LDLRAD4: variants seen among roughly 807,000 people sequenced by gnomAD.
LDLRAD4 encodes the protein low-density lipoprotein receptor class A domain-containing protein 4.
In LDLRAD4, 5 loss-of-function variants were observed where a neutral mutation model predicts 17.0. The observed-to-expected ratio is 0.29, with a 90% CI of 0.15 to 0.62. The LOEUF is 0.62. Ranked by LOEUF, LDLRAD4 falls within the 20% of genes least tolerant of loss-of-function variation. The pLI is 0.84. For synonymous variants in LDLRAD4, 168 were observed against 171.8 expected, an observed-to-expected ratio of 0.98 and a Z score of 0.17; for missense variants, 340 against 424.7, an observed-to-expected ratio of 0.80 and a Z score of 1.75.
chr18:13,360,870 G>T lies in LDLRAD4; in HGVS notation c.-382-26471G>T, dbSNP rs147181655. ...TTCCTGGACCCTGGGAGAATTTCTG[G>T]TATTTTTCTGTCCCTTTTCTCCCCA... On this transcript the variant is annotated intron_variant, in intron 1 of 5. Transcript: ENST00000359446. 2.0e-5 allele frequency among the ~76,000 whole-genome samples: 3 copies of T among 152,320 alleles called. No individual in the cohort carries two copies. In the East Asian group the frequency reaches 5.8e-4, roughly 29 times the overall value.
At chr18:13,237,938 G>A (rs1438449602) in intron 1 of LDLRAD4, among the ~76,000 whole-genome samples, 2 of 152,204 alleles carry the variant, frequency 1.3e-5, no homozygotes, top group African/African-American at 4.8e-5. Flanking sequence ...CTGGGGTAGA[G>A]TCTGGTGGCC....
intron 4 of LDLRAD4, among the ~76,000 whole-genome samples, chr18:13,626,599 T>G (rs1207382501): frequency 6.6e-6 from 1 of 152,222 alleles, no homozygotes; most frequent in Non-Finnish European, 1.5e-5. Flanking sequence ...AATTTCAATT[T>G]AAAAAATTAA....
intron 1 of LDLRAD4, among the ~76,000 whole-genome samples, chr18:13,284,404 T>A (rs1281710063): frequency 1.3e-5 from 2 of 152,162 alleles, no homozygotes; most frequent in Non-Finnish European, 2.9e-5. Flanking sequence ...GGATAAATAC[T>A]TTGACGCTTT....
chr18:13,220,196 A>G (rs1296377945), intron 1 of LDLRAD4, among the ~76,000 whole-genome samples: 1 of 152,212 alleles, frequency 6.6e-6, no homozygotes, highest in East Asian at 1.9e-4. Context: ...TCATTTTGCT[A>G]TTGACATTGA....
rs116785617 is a variant in LDLRAD4, at chr18:13,508,742, G to A, written c.181+70358G>A. 4.1e-3 allele frequency among the ~76,000 whole-genome samples: 631 copies of A among 152,246 alleles called. 4 individuals are homozygous for A. The highest frequency in any genetic ancestry group is 0.015 in the African/African-American group (604 of 41,534). On this transcript the variant is annotated intron_variant, in intron 3 of 5. Coordinates refer to ENST00000359446, the Ensembl canonical transcript of LDLRAD4. The stretch of plus-strand genomic sequence containing the variant: ...TTACTGCTCATTAATAATGCACCTG[G>A]TCACCAAGAGCTCTGATAGAGACCT...
At chr18:13,348,612 C>T (rs1299747921) in intron 1 of LDLRAD4, among the ~76,000 whole-genome samples, 3 of 152,128 alleles carry the variant, frequency 2.0e-5, no homozygotes. Flanking sequence ...CAGACAGGGA[C>T]ATTTAAGTCT....
intron 1 of LDLRAD4, among the ~76,000 whole-genome samples, chr18:13,225,696 A>G (rs1188134726): frequency 6.6e-6 from 1 of 152,248 alleles, no homozygotes; most frequent in Non-Finnish European, 1.5e-5. Flanking sequence ...GAAAGAAGGA[A>G]GAAAATAAAA....
At chr18:13,349,475 G>A (rs1437967484) in intron 1 of LDLRAD4, among the ~76,000 whole-genome samples, 1 of 152,080 alleles carries the variant, frequency 6.6e-6, no homozygotes, top group Non-Finnish European at 1.5e-5. Context: ...TTTACCAGAG[G>A]ACTTTGTATT....
intron 3 of LDLRAD4, chr18:13,612,796 A>G (rs1383933133): frequency 5.6e-6 from 9 of 1,613,654 alleles, no homozygotes; most frequent in African/African-American, 1.3e-5. Context: ...AAGAACTGCT[A>G]TGGATGATGC....
At chr18:13,322,784 ATTTT>A (rs34579599) in intron 1 of LDLRAD4, among the ~76,000 whole-genome samples, 36 of 130,386 alleles carry the variant, frequency 2.8e-4, no homozygotes, top group Admixed American at 6.2e-4. Context: ...TACATGGCTA[ATTTT>A]TTTTTTTTTT....
intron 1 of LDLRAD4, among the ~76,000 whole-genome samples, chr18:13,282,012 C>T (rs569849849): frequency 9.2e-5 from 14 of 152,242 alleles, no homozygotes; most frequent in Admixed American, 2.0e-4. Flanking sequence ...TCTTACATGG[C>T]GGCAGCAAGA....
intron 1 of LDLRAD4, among the ~76,000 whole-genome samples, chr18:13,280,730 G>A (rs908215326): frequency 2.0e-5 from 3 of 152,228 alleles, no homozygotes; most frequent in African/African-American, 7.2e-5. Context: ...CTGGAAAGGT[G>A]CAGCTGGAGA....
At chr18:13,568,682 A>G (rs1395710484) in intron 3 of LDLRAD4, among the ~76,000 whole-genome samples, 2 of 152,302 alleles carry the variant, frequency 1.3e-5, no homozygotes, top group African/African-American at 4.8e-5. Flanking sequence ...AATAAAAACG[A>G]GTGCACTTCA....
In LDLRAD4 at chr18:13,571,220, T is replaced by C. The variant is rs146060837; in HGVS notation, c.182-49897T>C. On this transcript the variant is annotated intron_variant, in intron 3 of 5. Transcript: ENST00000359446. Reference sequence around the variant, plus strand: ...CATCAAAAATTAGAAAAGCAGATGTTTCCATTTGCAAATGTGTAAGTACGC... The same window carrying C: ...CATCAAAAATTAGAAAAGCAGATGTCTCCATTTGCAAATGTGTAAGTACGC... Among the ~76,000 whole-genome samples, 643 of 152,294 alleles carry C rather than the reference T, an allele frequency of 4.2e-3. 5 individuals are homozygous for C. Among genetic ancestry groups the C allele is most frequent in the African/African-American group, 0.015 (617 of 41,548 alleles).
exon 2 of LDLRAD4, chr18:13,387,586 C>G: frequency 1.3e-6 from 1 of 780,098 alleles, no homozygotes; most frequent in East Asian, 2.6e-5. Flanking sequence ...GCAGGTGGGC[C>G]GCGGATGCTC....
At chr18:13,496,996 A>G (rs1347692689) in intron 3 of LDLRAD4, among the ~76,000 whole-genome samples, 2 of 152,232 alleles carry the variant, frequency 1.3e-5, no homozygotes, top group Non-Finnish European at 1.5e-5. Context: ...AGAAATGCGC[A>G]TGTATTCAAG....
exon 6 of LDLRAD4, chr18:13,650,643 G>A (rs930679501): frequency 3.1e-6 from 1 of 324,942 alleles, no homozygotes; most frequent in African/African-American, 2.1e-5. Flanking sequence ...TATTTGTAAG[G>A]TGCTGTATAT....
At chr18:13,606,166 CTAACTGGCCT>C (rs1381193239) in intron 3 of LDLRAD4, among the ~76,000 whole-genome samples, 1 of 152,194 alleles carries the variant, frequency 6.6e-6, no homozygotes, top group Non-Finnish European at 1.5e-5. Flanking sequence ...AACGTTGGTT[CTAACTGGCCT>C]CTATAAAAAC....
At chr18:13,450,236 C>G (rs1480168410) in intron 3 of LDLRAD4, among the ~76,000 whole-genome samples, 1 of 151,908 alleles carries the variant, frequency 6.6e-6, no homozygotes, top group East Asian at 1.9e-4. Context: ...CCTCCTCTCA[C>G]CCTTCTGGTT....
Sources: gnomAD v4.1 joint callset for allele counts (sites outside exome capture counted in the v4.1 genomes callset) on GRCh38, gnomAD v4.1.1 for gene constraint, MANE v1.5 for transcripts, NCBI Gene and HGNC (gene_info 2026-07-23, HGNC 2026-07-21) for gene names.